EHD4: variants seen among roughly 807,000 people sequenced by gnomAD.
EHD4 encodes the protein EH domain containing 4.
EHD4 carries 37 observed loss-of-function variants against 51.0 expected under a neutral mutation model. The observed-to-expected ratio is 0.73, with a 90% CI of 0.56 to 0.95. EHD4 has a LOEUF of 0.95. Ranked by LOEUF, EHD4 falls within the 40% of genes least tolerant of loss-of-function variation. The pLI is 0.00. For synonymous variants in EHD4, 297 were observed against 317.3 expected (o/e 0.94, Z 0.68); for missense variants, 632 against 733.1 (o/e 0.86, Z 1.59).
chr15:41,958,353 A>C (rs1704407), intron 1 of EHD4, among the ~76,000 whole-genome samples: 1 of 151,864 alleles, frequency 6.6e-6, no homozygotes, highest in South Asian at 2.1e-4. Context: ...GGATGGTGGG[A>C]TGGATGGGAG....
chr15:41,956,698 G>C (rs1470329573), intron 1 of EHD4, among the ~76,000 whole-genome samples: 1 of 152,164 alleles, frequency 6.6e-6, no homozygotes, highest in Admixed American at 6.5e-5. Context: ...AGTCAAAGGT[G>C]TCCCCCTTTG....
At chr15:41,939,792 C>CAAAAAAAAAAAAAAAAAAA (rs537857115) in intron 3 of EHD4, among the ~76,000 whole-genome samples, 1 of 80,248 alleles carries the variant, frequency 1.2e-5, no homozygotes, top group Non-Finnish European at 2.4e-5. Flanking sequence ...GACTCCGTCT[C>CAAAAAAAAAAAAAAAAAAA]AAAAAAAAAA....
At chr15:41,954,030 A>G in intron 1 of EHD4, 90 bp from the exon 2 acceptor site, 1 of 1,380,170 alleles carries the variant, frequency 7.2e-7, no homozygotes, top group Non-Finnish European at 1.0e-6. Context: ...TTTTTTACAT[A>G]ATCATTTAAA....
chr15:41,902,907 G>A (rs896362431), intron 5 of EHD4, among the ~76,000 whole-genome samples: 2 of 150,776 alleles, frequency 1.3e-5, no homozygotes, highest in African/African-American at 4.9e-5. Flanking sequence ...GAAAACTACC[G>A]CCTGTATAAG....
At chr15:41,927,001 T>A (rs1006779488) in intron 3 of EHD4, among the ~76,000 whole-genome samples, 3 of 152,200 alleles carry the variant, frequency 2.0e-5, no homozygotes, top group African/African-American at 4.8e-5. Flanking sequence ...GGCCAAGTCT[T>A]CACTGTGTCT....
At chr15:41,962,552 A>AAC (rs1212462114) in intron 1 of EHD4, among the ~76,000 whole-genome samples, 1 of 151,772 alleles carries the variant, frequency 6.6e-6, no homozygotes, top group Non-Finnish European at 1.5e-5. Flanking sequence ...CAAAAAAAAA[A>AAC]AAACCCACAA....
At chr15:41,966,225 A>G (rs1169543076) in intron 1 of EHD4, among the ~76,000 whole-genome samples, 1 of 151,886 alleles carries the variant, frequency 6.6e-6, no homozygotes, top group Non-Finnish European at 1.5e-5. Context: ...AACCCGCGCC[A>G]TCTGGCTTCC....
chr15:41,914,640 C>G (rs892236231), intron 4 of EHD4, among the ~76,000 whole-genome samples: 1 of 152,120 alleles, frequency 6.6e-6, no homozygotes, highest in South Asian at 2.1e-4. Context: ...CACAGTAGCT[C>G]AGGGCTGCTG....
chr15:41,964,980 C>A (rs1453004916), intron 1 of EHD4, among the ~76,000 whole-genome samples: 1 of 151,986 alleles, frequency 6.6e-6, no homozygotes, highest in Non-Finnish European at 1.5e-5. Flanking sequence ...CCATGTTGCC[C>A]AGGCTGATCT....
rs966727701 is a variant in EHD4 at position 41,899,517 on chromosome 15, A to C, written c.*1128T>G. Reference sequence around the variant, plus strand: ...TTTTATCCTGTAAGGAAAAAAAAAAAACACAAAACCCTAGACATAATAAAT... The same window carrying C: ...TTTTATCCTGTAAGGAAAAAAAAAACACACAAAACCCTAGACATAATAAAT... On this transcript the variant is annotated 3_prime_UTR_variant, in exon 6 of 6. Transcript: ENST00000220325. 19 of 151,964 alleles carry C rather than the reference A, an allele frequency of 1.3e-4. No individual in the cohort carries two copies. The highest frequency in any genetic ancestry group is 3.6e-4 in the African/African-American group (15 of 41,388). The allele number at this position is 151,964 out of a possible 1,614,324, so 9.4% of individuals were successfully genotyped here. A position where few individuals can be genotyped will look rare whatever the true frequency, so the allele number is the denominator to read the frequency against.
In EHD4 at chr15:41,939,776, C is replaced by G. The variant is rs1158260590; in HGVS notation, c.511+3291G>C. Among the ~76,000 whole-genome samples, 7 of 115,372 alleles carry G rather than the reference C, an allele frequency of 6.1e-5. No individual in the cohort carries two copies. The East Asian group carries it at 7.2e-4, about 12-fold the overall frequency. 75.7% of individuals were successfully genotyped at this position (115,372 alleles called of 152,430 possible). A position where few individuals can be genotyped will look rare whatever the true frequency, so the allele number is the denominator to read the frequency against. On this transcript the variant is annotated intron_variant, in intron 3 of 5. Coordinates refer to ENST00000220325, the MANE Select transcript of EHD4 (RefSeq NM_139265.4). ...CCATTGCACTCCAGCTTTGGTGACACAGCAAGACTCCGTCTCAAAAAAAAA... is the reference window on the plus strand; with the variant it reads ...CCATTGCACTCCAGCTTTGGTGACAGAGCAAGACTCCGTCTCAAAAAAAAA...
At chr15:41,943,525 C>T (rs1030471307) in intron 2 of EHD4, among the ~76,000 whole-genome samples, 6 of 152,340 alleles carry the variant, frequency 3.9e-5, no homozygotes, top group African/African-American at 1.2e-4. Flanking sequence ...ATATTGACCT[C>T]ATGAGGTGAA....
At chr15:41,912,773 AC>A (rs561094355) in intron 4 of EHD4, among the ~76,000 whole-genome samples, 14 of 152,052 alleles carry the variant, frequency 9.2e-5, no homozygotes, top group Admixed American at 4.6e-4. Flanking sequence ...TCTGGAAGTG[AC>A]CCCCCAATAT....
chr15:41,909,251 C>T (rs561972435), intron 5 of EHD4, among the ~76,000 whole-genome samples: 1 of 152,250 alleles, frequency 6.6e-6, no homozygotes, highest in Admixed American at 6.5e-5. Flanking sequence ...CAGAGCCCCA[C>T]AGCCCCTGCT....
chr15:41,907,865 T>A (rs2067523017), intron 5 of EHD4, among the ~76,000 whole-genome samples: 1 of 102,916 alleles, frequency 9.7e-6, no homozygotes, highest in African/African-American at 4.4e-5. Context: ...TGTGTGTGTG[T>A]GTGTGTATAT....
At chr15:41,918,245 C>A (rs111442372) in intron 4 of EHD4, among the ~76,000 whole-genome samples, 1 of 132,360 alleles carries the variant, frequency 7.6e-6, no homozygotes, top group Non-Finnish European at 1.7e-5. Context: ...CACACACACG[C>A]GCATGTTTAC....
At chr15:41,959,189 G>C (rs1179824076) in intron 1 of EHD4, among the ~76,000 whole-genome samples, 1 of 151,858 alleles carries the variant, frequency 6.6e-6, no homozygotes. Context: ...TCAGGAGATC[G>C]AGACCATCCT....
chr15:41,958,079 G>T (rs1469596892), intron 1 of EHD4, among the ~76,000 whole-genome samples: 2 of 151,688 alleles, frequency 1.3e-5, no homozygotes, highest in African/African-American at 4.8e-5. Flanking sequence ...CGAGTTTCAG[G>T]GACTCTAGTA....
At chr15:41,908,982 C>T (rs74587687) in intron 5 of EHD4, among the ~76,000 whole-genome samples, 7,550 of 152,294 alleles carry the variant, frequency 0.05, 276 homozygotes, top group Non-Finnish European at 0.064. Context: ...GATAAGAAGA[C>T]GGCCAGCCTG....
Sources: allele counts gnomAD v4.1 joint callset (sites outside exome capture counted in the v4.1 genomes callset), GRCh38; gene constraint gnomAD v4.1.1; transcripts MANE v1.5; gene names NCBI Gene and HGNC (gene_info 2026-07-23, HGNC 2026-07-21).